L3MBTL4: variants seen among roughly 807,000 people sequenced by gnomAD.
L3MBTL4 encodes the protein lethal(3)malignant brain tumor-like protein 4.
In L3MBTL4, 70 loss-of-function variants were observed where a neutral mutation model predicts 84.5. The ratio of observed to expected loss-of-function variants is 0.83; its 90% CI spans 0.68 to 1.01. L3MBTL4 has a LOEUF of 1.01. Among genes scored for constraint, L3MBTL4 ranks in the 50% least tolerant of loss-of-function variants. L3MBTL4 has a pLI of 0.00. For missense variants in L3MBTL4, 715 were observed against 754.8 expected, an observed-to-expected ratio of 0.95 and a Z score of 0.62; for synonymous variants, 274 against 259.8, an observed-to-expected ratio of 1.05 and a Z score of -0.52.
intron 1 of L3MBTL4, among the ~76,000 whole-genome samples, chr18:6,392,691 A>G (rs972266718): frequency 1.3e-5 from 2 of 152,248 alleles, no homozygotes; most frequent in African/African-American, 4.8e-5. Context: ...ATTCTAGAAG[A>G]TAACCTTGGA....
chr18:5,970,133 C>T (rs1216494943), intron 16 of L3MBTL4, among the ~76,000 whole-genome samples: 2 of 152,226 alleles, frequency 1.3e-5, no homozygotes, highest in African/African-American at 4.8e-5. Context: ...TGCTGCAGAT[C>T]CCCAGCAGCG....
intron 16 of L3MBTL4, among the ~76,000 whole-genome samples, chr18:6,042,274 G>A (rs1380772460): frequency 2.0e-5 from 3 of 152,174 alleles, no homozygotes; most frequent in South Asian, 4.1e-4. Flanking sequence ...TCTTGGGTAA[G>A]TTCAACCTCT....
intron 12 of L3MBTL4, among the ~76,000 whole-genome samples, chr18:6,187,578 C>T (rs1334432012): frequency 6.6e-6 from 1 of 152,132 alleles, no homozygotes; most frequent in African/African-American, 2.4e-5. Context: ...TTTACATGTA[C>T]TGCACCCTCT....
chr18:6,405,385 G>A (rs952699740), intron 1 of L3MBTL4, among the ~76,000 whole-genome samples: 5 of 152,338 alleles, frequency 3.3e-5, no homozygotes, highest in African/African-American at 1.2e-4. Context: ...TGAAGGTAAT[G>A]CAGCCCTGCC....
At chr18:6,288,414 A>C (rs757453614) in intron 4 of L3MBTL4, among the ~76,000 whole-genome samples, 1 of 152,244 alleles carries the variant, frequency 6.6e-6, no homozygotes, top group African/African-American at 2.4e-5. Flanking sequence ...TTGATAAATT[A>C]ATTGGTTTTT....
chr18:6,282,263 C>A (rs1599468949), intron 4 of L3MBTL4, among the ~76,000 whole-genome samples: 1 of 152,138 alleles, frequency 6.6e-6, no homozygotes, highest in South Asian at 2.1e-4. Flanking sequence ...GGAGAGGGAT[C>A]AAATAATCTG....
At chr18:5,964,599 G>C (rs1273085394) in intron 17 of L3MBTL4, among the ~76,000 whole-genome samples, 1 of 152,042 alleles carries the variant, frequency 6.6e-6, no homozygotes, top group Non-Finnish European at 1.5e-5. Context: ...CCTGTGTAAA[G>C]GCTGCTTTTA....
At chr18:6,348,154 G>A (rs1265296435) in intron 1 of L3MBTL4, among the ~76,000 whole-genome samples, 2 of 150,466 alleles carry the variant, frequency 1.3e-5, no homozygotes, top group African/African-American at 5.0e-5. Flanking sequence ...AAACACCAAA[G>A]TAAATGAAAA....
At chr18:6,017,657 G>A (rs1567987989) in intron 16 of L3MBTL4, 1 of 152,208 alleles carries the variant, frequency 6.6e-6, no homozygotes, top group Non-Finnish European at 1.5e-5. Flanking sequence ...CCAGTGGGAT[G>A]AGTGAAGCGC....
At position 6,171,921 on chromosome 18, in the gene L3MBTL4, G is replaced by A; in HGVS notation, c.1003C>T (p.His335Tyr). 1 of 1,550,918 alleles carries A rather than the reference G, an allele frequency of 6.4e-7. No individual in the cohort carries two copies. Among genetic ancestry groups the A allele is most frequent in the Non-Finnish European group, 8.7e-7 (1 of 1,145,018 alleles). ...RVKVHFDGWD[H>Y]KYDYWVEADS... ...GCCTCCACCCAGTAGTCATACTTAT[G>A]GTCCCAACCATCAAAATGAACCTGT... The change falls in exon 13 of 19, where the codon CAT becomes TAT. Residue 335 changes from histidine to tyrosine, a missense_variant. By Grantham distance (83) the His-to-Tyr change is moderately conservative. Coordinates refer to ENST00000317931, the MANE Select transcript of L3MBTL4 (RefSeq NM_001330559.2).
At chr18:6,289,254 T>C (rs905629862) in intron 4 of L3MBTL4, among the ~76,000 whole-genome samples, 5 of 152,138 alleles carry the variant, frequency 3.3e-5, no homozygotes, top group African/African-American at 1.2e-4. Flanking sequence ...AATTTGCTTG[T>C]TTTTCTAAAA....
chr18:6,155,247 C>T (rs953125044), intron 13 of L3MBTL4, among the ~76,000 whole-genome samples: 1 of 152,144 alleles, frequency 6.6e-6, no homozygotes, highest in African/African-American at 2.4e-5. Flanking sequence ...ACACTACATA[C>T]AGAAAATTTT....
intron 1 of L3MBTL4, among the ~76,000 whole-genome samples, chr18:6,361,298 T>A (rs1048599269): frequency 6.6e-6 from 1 of 152,106 alleles, no homozygotes. Flanking sequence ...CTTTCCAGTA[T>A]AAATAGTAAT....
intron 1 of L3MBTL4, among the ~76,000 whole-genome samples, chr18:6,355,192 T>TTG (rs2053382653): frequency 6.6e-6 from 1 of 152,176 alleles, no homozygotes; most frequent in Admixed American, 6.5e-5. Context: ...ACAATATGGA[T>TTG]TGTGTGTAAC....
chr18:5,955,341 T>A lies in L3MBTL4; in HGVS notation c.*879A>T, dbSNP rs182925775. 1.4e-4 allele frequency: 21 copies of A among 152,344 alleles called. No individual in the cohort carries two copies. The highest frequency in any genetic ancestry group is 1.5e-5 in the Non-Finnish European group (1 of 68,062). 9.4% of individuals were successfully genotyped at this position (152,344 alleles called of 1,614,324 possible). On this transcript the variant is annotated 3_prime_UTR_variant, in exon 19 of 19. Transcript: ENST00000317931. ...AGCCCCAGATGTAATATAACACAGCTCCTTATTACAGGGGTTCTGGCAGAC... is the reference window on the plus strand; with the variant it reads ...AGCCCCAGATGTAATATAACACAGCACCTTATTACAGGGGTTCTGGCAGAC...
chr18:6,262,591 C>G (rs922320244), intron 5 of L3MBTL4, among the ~76,000 whole-genome samples: 5 of 152,194 alleles, frequency 3.3e-5, no homozygotes, highest in Admixed American at 3.3e-4. Context: ...TCAAGCTACA[C>G]ATTTCCAGGC....
chr18:6,241,774 T>C (rs2146126114), intron 7 of L3MBTL4, among the ~76,000 whole-genome samples: 1 of 152,328 alleles, frequency 6.6e-6, no homozygotes, highest in East Asian at 1.9e-4. Context: ...ACGGAGTCAG[T>C]ACTCTGGTGG....
intron 15 of L3MBTL4, among the ~76,000 whole-genome samples, chr18:6,090,877 T>A (rs1001683137): frequency 3.3e-5 from 5 of 150,684 alleles, no homozygotes; most frequent in African/African-American, 1.2e-4. Context: ...ATGTGACAAA[T>A]GTTGCTTGTA....
Position 5,963,438 on chromosome 18 carries a change from G to A in L3MBTL4, c.1615-3282C>T, listed in dbSNP as rs139157596. On this transcript the variant is annotated intron_variant, in intron 17 of 18. Coordinates refer to ENST00000317931, the MANE Select transcript of L3MBTL4 (RefSeq NM_001330559.2). Reference sequence around the variant, plus strand: ...ACCAAAGCGTCAACAGAGCAGACGCGGCCCTGCCCCGTGGTGGCCTCCACC... The same window carrying A: ...ACCAAAGCGTCAACAGAGCAGACGCAGCCCTGCCCCGTGGTGGCCTCCACC... 7.2e-5 allele frequency among the ~76,000 whole-genome samples: 11 copies of A among 152,258 alleles called. No homozygotes were observed. In the South Asian group the frequency reaches 1.2e-3, roughly 17 times the overall value.
Sources: allele counts gnomAD v4.1 joint callset (sites outside exome capture counted in the v4.1 genomes callset), GRCh38; gene constraint gnomAD v4.1.1; transcripts MANE v1.5; gene names NCBI Gene and HGNC (gene_info 2026-07-23, HGNC 2026-07-21).